The following NBAS variants were observed in gnomAD, a reference collection of about 807,000 sequenced individuals.
NBAS encodes the protein NBAS subunit of NRZ tethering complex, also known as NAG/BC035112 fusion.
NBAS carries 219 observed loss-of-function variants against 302.5 expected under a neutral mutation model. That is an observed-to-expected ratio of 0.72 (90% confidence interval 0.65 to 0.81). The LOEUF (loss-of-function observed/expected upper bound fraction) is 0.81, where lower values mean the gene tolerates loss of function less well. Ranked by LOEUF, NBAS falls within the 30% of genes least tolerant of loss-of-function variation. The pLI is 0.00. For synonymous variants in NBAS, 1,118 were observed against 1,021.6 expected (o/e 1.09, Z -1.80); for missense variants, 2,932 against 2,841.6 (o/e 1.03, Z -0.72).
At chr2:15,004,759 CT>C in the NBAS span, among the ~76,000 whole-genome samples, 1 of 151,500 alleles carries the variant, frequency 6.6e-6, no homozygotes, top group African/African-American at 2.4e-5. Flanking sequence ...TCCACCCCCC[CT>C]TGGCTTCCCT....
chr2:14,980,677 A>AT, the NBAS span, among the ~76,000 whole-genome samples: 2 of 152,158 alleles, frequency 1.3e-5, no homozygotes, highest in African/African-American at 4.8e-5. Flanking sequence ...CAGGAAAAAA[A>AT]ATCACTAGAT....
chr2:15,013,399 A>G, the NBAS span, among the ~76,000 whole-genome samples: 5 of 152,240 alleles, frequency 3.3e-5, no homozygotes, highest in African/African-American at 4.8e-5. Flanking sequence ...ATACAAAATA[A>G]TCAGATACAA....
At chr2:15,034,294 A>AAGAAAGAAAGAAAG in the NBAS span, among the ~76,000 whole-genome samples, 4 of 112,942 alleles carry the variant, frequency 3.5e-5, no homozygotes, top group African/African-American at 1.5e-4. Context: ...GAAAGAAAGA[A>AAGAAAGAAAGAAAG]AGAAAGAAAG....
the NBAS span, among the ~76,000 whole-genome samples, chr2:15,140,356 A>G: frequency 6.6e-6 from 1 of 152,226 alleles, no homozygotes; most frequent in Non-Finnish European, 1.5e-5. Flanking sequence ...AGGGTCTGTG[A>G]GCATAATATA....
At chr2:15,158,895 A>G in the NBAS span, among the ~76,000 whole-genome samples, 4 of 152,308 alleles carry the variant, frequency 2.6e-5, no homozygotes, top group African/African-American at 9.6e-5. Flanking sequence ...CAGTGTTTCC[A>G]GAGGCCCCCT....
the NBAS span, among the ~76,000 whole-genome samples, chr2:14,812,903 T>C: frequency 2.0e-4 from 31 of 152,202 alleles, no homozygotes; most frequent in Non-Finnish European, 3.7e-4. Flanking sequence ...TTCCTATGGT[T>C]TAGCACCATC....
intron 48 of NBAS, among the ~76,000 whole-genome samples, chr2:15,213,838 GACCAATTAAA>G (rs566345210): frequency 6.6e-6 from 1 of 152,206 alleles, no homozygotes; most frequent in Non-Finnish European, 1.5e-5. Flanking sequence ...ATATTTGCAG[GACCAATTAAA>G]ACGGATGTTC....
the NBAS span, among the ~76,000 whole-genome samples, chr2:14,984,695 C>A: frequency 6.6e-6 from 1 of 152,168 alleles, no homozygotes; most frequent in South Asian, 2.1e-4. Flanking sequence ...CCTTTCTCCA[C>A]CCCCAGAAGA....
the NBAS span, among the ~76,000 whole-genome samples, chr2:14,843,910 G>A: frequency 0.29 from 43,987 of 151,914 alleles, 7,024 homozygotes; most frequent in East Asian, 0.4. Context: ...CCATCTCAGC[G>A]GTCGGAACTT....
the NBAS span, among the ~76,000 whole-genome samples, chr2:15,019,374 C>G: frequency 1.3e-5 from 2 of 152,148 alleles, no homozygotes; most frequent in Non-Finnish European, 2.9e-5. Context: ...TCTCAACTGC[C>G]TATCTGATTC....
chr2:14,788,277 G>A, the NBAS span, among the ~76,000 whole-genome samples: 2 of 152,052 alleles, frequency 1.3e-5, no homozygotes, highest in Non-Finnish European at 2.9e-5. Flanking sequence ...ATTTCCCCCT[G>A]TAGCCGGAGT....
At position 15,495,664 on chromosome 2, in the gene NBAS, T is replaced by C. The variant is rs531667315; in HGVS notation, c.955-6642A>G. On this transcript the variant is annotated intron_variant, in intron 11 of 51. Coordinates refer to ENST00000281513, the MANE Select transcript of NBAS (RefSeq NM_015909.4). ...GGAACTGTGTTTGTGACAGGGTCCA[T>C]AGAAGGTAGCTGGCAGAGTCCTGTT... Among the ~76,000 whole-genome samples, 6 of 152,264 alleles carry C rather than the reference T, an allele frequency of 3.9e-5. No individual in the cohort carries two copies. The South Asian group carries it at 8.3e-4, about 21-fold the overall frequency.
chr2:14,983,845 T>C, the NBAS span, among the ~76,000 whole-genome samples: 1 of 152,174 alleles, frequency 6.6e-6, no homozygotes, highest in Non-Finnish European at 1.5e-5. Flanking sequence ...GTGGGAGTTT[T>C]AAAAGCAGAA....
the NBAS span, among the ~76,000 whole-genome samples, chr2:14,983,206 C>T: frequency 6.6e-6 from 1 of 152,226 alleles, no homozygotes. Context: ...ACATTTAGAA[C>T]TGTGCCTGAC....
intron 35 of NBAS, among the ~76,000 whole-genome samples, chr2:15,346,555 G>A (rs1490063931): frequency 1.3e-5 from 2 of 152,184 alleles, no homozygotes; most frequent in Non-Finnish European, 2.9e-5. Flanking sequence ...CTGTTGGTGG[G>A]AATGTAAATT....
the NBAS span, among the ~76,000 whole-genome samples, chr2:14,966,155 G>C: frequency 6.6e-6 from 1 of 152,170 alleles, no homozygotes; most frequent in African/African-American, 2.4e-5. Context: ...CCTTCAGGGA[G>C]AGCATGAACC....
the NBAS span, among the ~76,000 whole-genome samples, chr2:15,054,674 C>G: frequency 1.3e-5 from 2 of 152,182 alleles, no homozygotes; most frequent in Admixed American, 6.5e-5. Context: ...TAGAAACACA[C>G]TTGCACTCCT....
the NBAS span, among the ~76,000 whole-genome samples, chr2:15,074,400 GGGAGGGAAGGAAAGAA>G: frequency 2.1e-5 from 3 of 141,580 alleles, no homozygotes; most frequent in Non-Finnish European, 4.6e-5. Flanking sequence ...GAAGGAGGGG[GGGAGGGAAGGAAAGAA>G]GGAGGGAAGG....
At chr2:14,919,371 T>C in the NBAS span, among the ~76,000 whole-genome samples, 1 of 152,110 alleles carries the variant, frequency 6.6e-6, no homozygotes, top group African/African-American at 2.4e-5. Flanking sequence ...GAACCTGCAG[T>C]GTGTCATTAT....
Sources: gnomAD v4.1 joint callset for allele counts (sites outside exome capture counted in the v4.1 genomes callset) on GRCh38, gnomAD v4.1.1 for gene constraint, MANE v1.5 for transcripts, NCBI Gene and HGNC (gene_info 2026-07-23, HGNC 2026-07-21) for gene names.